MGAT4C: variants seen among roughly 807,000 people sequenced by gnomAD.
MGAT4C encodes the protein MGAT4 family member C, also known as alpha-1,3-mannosyl-glycoprotein 4-beta-N-acetylglucosaminyltransferase C.
Under a neutral mutation model 40.1 loss-of-function variants are expected in MGAT4C, and 19 were observed. The observed-to-expected ratio is 0.47, with a 90% confidence interval of 0.33 to 0.70. The LOEUF (loss-of-function observed/expected upper bound fraction) is 0.70. Among genes scored for constraint, MGAT4C ranks in the 30% least tolerant of loss-of-function variants. The pLI is 0.02. For missense variants in MGAT4C, 491 were observed against 563.2 expected (o/e 0.87, Z 1.30); for synonymous variants, 181 against 187.1 (o/e 0.97, Z 0.27).
intron 2 of MGAT4C, among the ~76,000 whole-genome samples, chr12:86,000,728 G>A (rs1476029582): frequency 6.6e-6 from 1 of 151,980 alleles, no homozygotes; most frequent in Non-Finnish European, 1.5e-5. Context: ...TGAATAGTAG[G>A]AGTAAACATG....
chr12:86,763,088 G>T (rs1951434954), intron 1 of MGAT4C, among the ~76,000 whole-genome samples: 1 of 152,124 alleles, frequency 6.6e-6, no homozygotes, highest in South Asian at 2.1e-4. Flanking sequence ...GGTGTAGAAA[G>T]AACATAATGA....
intron 2 of MGAT4C, among the ~76,000 whole-genome samples, chr12:86,585,031 T>C (rs1005648151): frequency 1.3e-5 from 2 of 151,470 alleles, no homozygotes; most frequent in Non-Finnish European, 3.0e-5. Context: ...CATTAGAGTA[T>C]GGTTCAACCA....
chr12:86,383,902 G>T (rs1956002590), intron 3 of MGAT4C, among the ~76,000 whole-genome samples: 1 of 152,162 alleles, frequency 6.6e-6, no homozygotes, highest in Non-Finnish European at 1.5e-5. Context: ...GAATGATATT[G>T]TTTGGCTGTG....
chr12:86,119,825 T>A (rs1356600497), intron 1 of MGAT4C, among the ~76,000 whole-genome samples: 1 of 151,408 alleles, frequency 6.6e-6, no homozygotes, highest in East Asian at 1.9e-4. Flanking sequence ...CAGCCTTCCA[T>A]GTAGCTAGGA....
rs1432375853 is a variant in MGAT4C, at chr12:86,581,121, C to T, written c.-228-145856G>A. On this transcript the variant is annotated intron_variant, in intron 2 of 7. Coordinates refer to the MGAT4C transcript ENST00000548651. ...TTAATTAGGTTTTTCCAGTGTAATG[C>T]TTAATATGAGATTCAGAGGGTATAA... Among the ~76,000 whole-genome samples, 42 of 151,382 alleles carry T rather than the reference C, an allele frequency of 2.8e-4. 2 individuals carry two copies. In the Admixed American group the frequency reaches 2.8e-3, roughly 10 times the overall value.
chr12:86,192,484 C>T (rs1184413332), intron 1 of MGAT4C, among the ~76,000 whole-genome samples: 1 of 152,072 alleles, frequency 6.6e-6, no homozygotes, highest in Non-Finnish European at 1.5e-5. Flanking sequence ...AGACGCCTTG[C>T]AAGACTTTAC....
chr12:86,789,635 C>T (rs551580833), intron 1 of MGAT4C, among the ~76,000 whole-genome samples: 1 of 152,112 alleles, frequency 6.6e-6, no homozygotes, highest in South Asian at 2.1e-4. Context: ...TGGCTTGATT[C>T]TCCTTGACTG....
chr12:86,311,156 C>G (rs1470486515), intron 4 of MGAT4C, among the ~76,000 whole-genome samples: 3 of 152,168 alleles, frequency 2.0e-5, no homozygotes, highest in Admixed American at 6.5e-5. Context: ...GGCTTCGTCA[C>G]GGTGCAAACA....
rs556989050 is a variant in MGAT4C, at chr12:85,973,831, T to C, written c.*5458A>G. On this transcript the variant is annotated 3_prime_UTR_variant, in exon 5 of 5. Transcript: ENST00000611864. ...ACTGCTTTGGTCTCAAATCCATGTT[T>C]TTCAGAAAAGATATTCAGATCCAGT... The C allele has an allele frequency of 2.6e-5, 4 of 150,996 alleles. No individual in the cohort carries two copies. In the South Asian group the frequency reaches 8.3e-4, roughly 31 times the overall value. The allele number at this position is 150,996 out of a possible 1,614,324, so 9.4% of individuals were successfully genotyped here.
At chr12:86,397,455 A>G (rs528190113) in intron 3 of MGAT4C, among the ~76,000 whole-genome samples, 54 of 151,972 alleles carry the variant, frequency 3.6e-4, no homozygotes, top group Non-Finnish European at 7.1e-4. Context: ...CACCTTTCTT[A>G]GATTTTTCTT....
At position 86,533,145 on chromosome 12, in the gene MGAT4C, C is replaced by T. The variant is rs561814313; in HGVS notation, c.-228-97880G>A. 7.2e-5 allele frequency among the ~76,000 whole-genome samples: 11 copies of T among 152,030 alleles called. No individual in the cohort carries two copies. The East Asian group carries it at 1.7e-3, about 24-fold the overall frequency. Reference sequence around the variant, plus strand: ...TGGATTCCAGAACCCCAACTTTTAGCGATACAGCAACATTTTTTATAGTAG... The same window carrying T: ...TGGATTCCAGAACCCCAACTTTTAGTGATACAGCAACATTTTTTATAGTAG... On this transcript the variant is annotated intron_variant, in intron 2 of 7. Transcript: ENST00000548651.
chr12:86,789,639 T>G (rs866871822), intron 1 of MGAT4C, among the ~76,000 whole-genome samples: 12 of 152,072 alleles, frequency 7.9e-5, no homozygotes, highest in African/African-American at 2.7e-4. Flanking sequence ...TTGATTCTCC[T>G]TGACTGAATT....
intron 2 of MGAT4C, among the ~76,000 whole-genome samples, chr12:86,532,695 C>A (rs1959004870): frequency 6.6e-6 from 1 of 151,964 alleles, no homozygotes. Flanking sequence ...GATAAGATTG[C>A]ATCTTAAAGG....
chr12:86,693,995 A>G (rs930996694), intron 2 of MGAT4C, among the ~76,000 whole-genome samples: 13 of 152,164 alleles, frequency 8.5e-5, no homozygotes, highest in African/African-American at 2.9e-4. Context: ...TTAAAAATAC[A>G]TGTTTTATTA....
At chr12:86,599,431 G>A (rs1489285719) in intron 2 of MGAT4C, 2 of 151,958 alleles carry the variant, frequency 1.3e-5, no homozygotes, top group Admixed American at 1.3e-4. Flanking sequence ...GTCTACAAAC[G>A]CAAGATAACA....
At chr12:86,730,019 T>C (rs950522877) in intron 1 of MGAT4C, among the ~76,000 whole-genome samples, 2 of 152,088 alleles carry the variant, frequency 1.3e-5, no homozygotes, top group Non-Finnish European at 2.9e-5. Context: ...AAATAAATCA[T>C]GTGCTGTGAA....
chr12:86,570,392 T>C (rs1284102672), intron 2 of MGAT4C, among the ~76,000 whole-genome samples: 1 of 152,128 alleles, frequency 6.6e-6, no homozygotes, highest in African/African-American at 2.4e-5. Context: ...CCTTTTAGAT[T>C]CAATTTTTTT....
intron 2 of MGAT4C, among the ~76,000 whole-genome samples, chr12:86,659,990 T>A (rs1391616418): frequency 6.6e-6 from 1 of 151,644 alleles, no homozygotes; most frequent in Non-Finnish European, 1.5e-5. Context: ...AACTCTTTCC[T>A]CTTCCAGTGT....
At chr12:86,522,923 G>T (rs1215777785) in intron 2 of MGAT4C, among the ~76,000 whole-genome samples, 1 of 151,968 alleles carries the variant, frequency 6.6e-6, no homozygotes, top group Non-Finnish European at 1.5e-5. Context: ...AGGGTTATTT[G>T]TATTTCAGTT....
Sources: allele counts gnomAD v4.1 joint callset (sites outside exome capture counted in the v4.1 genomes callset), GRCh38; gene constraint gnomAD v4.1.1; transcripts MANE v1.5; gene names NCBI Gene and HGNC (gene_info 2026-07-23, HGNC 2026-07-21).